The following RYR3 variants were observed in gnomAD, a reference collection of about 807,000 sequenced individuals.
The protein encoded by RYR3 is ryanodine receptor 3.
A neutral mutation model predicts 584.3 loss-of-function variants in RYR3; 207 were observed. The observed-to-expected ratio is 0.35, with a 90% CI of 0.32 to 0.40. The LOEUF (loss-of-function observed/expected upper bound fraction) is 0.40. RYR3 is among the 10% of genes least tolerant of loss of function. The probability of loss-of-function intolerance (pLI) is 1.00; values close to 1 mark genes in which losing one functional copy is unlikely to be tolerated. For missense variants in RYR3, 5,616 were observed against 6,089.2 expected (o/e 0.92, Z 2.59); for synonymous variants, 2,416 against 2,248.5 (o/e 1.07, Z -2.11).
At chr15:33,839,071 C>G (rs2078211443) in intron 89 of RYR3, 113 bp downstream of exon 89, 1 of 1,317,198 alleles carries the variant, frequency 7.6e-7, no homozygotes, top group South Asian at 1.5e-5. Context: ...CTATGTTAGA[C>G]AGTGGCTGTG....
intron 1 of RYR3, among the ~76,000 whole-genome samples, chr15:33,454,086 T>C (rs2047348486): frequency 6.6e-6 from 1 of 152,242 alleles, no homozygotes; most frequent in South Asian, 2.1e-4. Context: ...CCTTCTGGTC[T>C]GTTCCTTCAG....
rs569911194 is a variant in RYR3, at chr15:33,728,656, C to A, written c.7034-201C>A. On this transcript the variant is annotated intron_variant, in intron 46 of 103. Coordinates refer to ENST00000634891, the MANE Select transcript of RYR3 (RefSeq NM_001036.6). ...AATACTCATGAGCATTTCCATTGAG[C>A]ATCATGTTGGTGCCCAAAAAGTTTC... Among the ~76,000 whole-genome samples, 6 of 152,300 alleles carry A rather than the reference C, an allele frequency of 3.9e-5. No homozygotes were observed. In the South Asian group the frequency reaches 8.3e-4, roughly 21 times the overall value.
chr15:33,831,514 TA>T (rs2077675199), intron 86 of RYR3, among the ~76,000 whole-genome samples: 1 of 152,236 alleles, frequency 6.6e-6, no homozygotes, highest in Non-Finnish European at 1.5e-5. Flanking sequence ...TGATGGAGAT[TA>T]AAAACAGGAT....
chr15:33,353,640 A>G (rs1234904207), intron 1 of RYR3, among the ~76,000 whole-genome samples: 1 of 152,236 alleles, frequency 6.6e-6, no homozygotes, highest in African/African-American at 2.4e-5. Flanking sequence ...GAACACCTAC[A>G]CTTTAAAATC....
intron 98 of RYR3, among the ~76,000 whole-genome samples, 198 bp from the exon 99 acceptor site, chr15:33,857,582 C>A (rs1156268918): frequency 6.6e-6 from 1 of 152,118 alleles, no homozygotes; most frequent in African/African-American, 2.4e-5. Flanking sequence ...CCAGGAAGCC[C>A]GCTTCTCTTT....
intron 47 of RYR3, 49 bp downstream of exon 47, chr15:33,729,075 T>G (rs7498093): frequency 0.44 from 674,014 of 1,521,314 alleles, 154,650 homozygotes; most frequent in Admixed American, 0.56. Context: ...ATTGTGAAAT[T>G]AGTAATGTTG....
chr15:33,525,244 C>T (rs1304861965), intron 3 of RYR3, among the ~76,000 whole-genome samples: 2 of 152,180 alleles, frequency 1.3e-5, no homozygotes, highest in Non-Finnish European at 2.9e-5. Context: ...TTGTCATATG[C>T]TACACTTTCA....
Position 33,865,245 on chromosome 15 carries a change from C to A in RYR3, c.*19C>A. 1 of 1,547,320 alleles carries A rather than the reference C, an allele frequency of 6.5e-7. No homozygotes were observed. Among genetic ancestry groups the A allele is most frequent in the South Asian group, 1.2e-5 (1 of 84,506 alleles). On this transcript the variant is annotated 3_prime_UTR_variant, in exon 104 of 104. Coordinates refer to ENST00000634891, the MANE Select transcript of RYR3 (RefSeq NM_001036.6). ...TGGATAAATCTGAATCAAAGAAGCG[C>A]GACAATTCTGGACAGTCAACTTCCC... is the stretch of plus-strand genomic sequence containing the variant.
chr15:33,862,320 C>T lies in RYR3; in HGVS notation c.14465+1142C>T, dbSNP rs550718232. Among the ~76,000 whole-genome samples, 35 of 152,216 alleles carry T rather than the reference C, an allele frequency of 2.3e-4. 1 individual carries two copies. Among genetic ancestry groups the T allele is most frequent in the South Asian group, 1.5e-3 (7 of 4,814 alleles). On this transcript the variant is annotated intron_variant, in intron 102 of 103. Transcript: ENST00000634891. ...CTCCACCTCCCAGGCTCAAGACATC[C>T]GCCTCAGCCTCCTGAGTAGCTGGGA... is the stretch of plus-strand genomic sequence containing the variant.
At chr15:33,836,627 T>C (rs1419672131) in intron 87 of RYR3, among the ~76,000 whole-genome samples, 1 of 152,216 alleles carries the variant, frequency 6.6e-6, no homozygotes, top group Non-Finnish European at 1.5e-5. Flanking sequence ...TGCATTGGGT[T>C]GTTCAGCCGT....
intron 43 of RYR3, among the ~76,000 whole-genome samples, chr15:33,719,015 G>A (rs1326930354): frequency 1.3e-5 from 2 of 152,204 alleles, no homozygotes; most frequent in Non-Finnish European, 2.9e-5. Context: ...GATTTGGTTA[G>A]CAGTGAAGCT....
intron 40 of RYR3, 53 bp downstream of exon 40, chr15:33,698,049 G>A (rs1111611): frequency 1 from 1,280,204 of 1,281,234 alleles, 639,590 homozygotes; most frequent in East Asian, 1. Flanking sequence ...GCAGGAGCAC[G>A]AGGTGACTTG....
chr15:33,833,800 C>T (rs1315108525), intron 86 of RYR3, among the ~76,000 whole-genome samples: 3 of 152,186 alleles, frequency 2.0e-5, no homozygotes, highest in Non-Finnish European at 2.9e-5. Context: ...TTTGGGAATG[C>T]AGGCAGTATT....
rs180719202 is a variant in RYR3 at position 33,318,818 on chromosome 15, C to T, written c.51+7722C>T. On this transcript the variant is annotated intron_variant, in intron 1 of 103. Transcript: ENST00000634891. ...AAAACAGTAAGATAAGGTGACTCTA[C>T]ATCAAAACGAGAACTAAGGTGCCTC... Among the ~76,000 whole-genome samples, 265 of 152,260 alleles carry T rather than the reference C, an allele frequency of 1.7e-3. 1 individual carries two copies. Among genetic ancestry groups the T allele is most frequent in the Middle Eastern group, 3.4e-3 (1 of 294 alleles).
Position 33,859,244 on chromosome 15 carries a change from CTTAAAATTAAA to C in RYR3, c.14143-329_14143-319del, listed in dbSNP as rs757987166. ...ACAGCCTGAAGGCCAGGCTAACACT[CTTAAAATTAAA>C]TGAGGAAAAATTATTATATGGCATA... On this transcript the variant is annotated intron_variant, in intron 99 of 103. Coordinates refer to ENST00000634891, the MANE Select transcript of RYR3 (RefSeq NM_001036.6). The C allele has an allele frequency of 3.5e-5, 9 of 254,588 alleles. No individual in the cohort carries two copies. In the East Asian group the frequency reaches 3.9e-4, roughly 11 times the overall value. 15.8% of individuals were successfully genotyped at this position (254,588 alleles called of 1,614,324 possible). A position where few individuals can be genotyped will look rare whatever the true frequency, so the allele number is the denominator to read the frequency against.
chr15:33,715,859 A>C (rs1324752174), intron 43 of RYR3, among the ~76,000 whole-genome samples: 2 of 152,146 alleles, frequency 1.3e-5, no homozygotes, highest in African/African-American at 2.4e-5. Flanking sequence ...GATCCTTATA[A>C]CTTAATCACC....
intron 1 of RYR3, among the ~76,000 whole-genome samples, chr15:33,339,264 G>A (rs567416656): frequency 6.6e-6 from 1 of 152,354 alleles, no homozygotes; most frequent in Non-Finnish European, 1.5e-5. Flanking sequence ...CCCCAGGTCA[G>A]ACTGGAAGGG....
rs2066762525 is a variant in RYR3 at position 33,706,969 on chromosome 15, G to A, written c.6534G>A (p.Leu2178=). Residue 2178 remains leucine (L), a synonymous_variant, in exon 43 of 104, where the codon CTG becomes CTA. Transcript: ENST00000634891. The part of the protein sequence containing the change: ...GCGLQSCPML[L]AKGYPDVGWN... The stretch of plus-strand genomic sequence containing the variant: ...GCCTACAGAGCTGCCCCATGCTTCT[G>A]GCCAAAGGATACCCTGATGTCGGCT... 5 of 1,613,006 alleles carry A rather than the reference G, an allele frequency of 3.1e-6. No homozygotes were observed. Among genetic ancestry groups the A allele is most frequent in the Non-Finnish European group, 4.2e-6 (5 of 1,179,546 alleles).
chr15:33,406,748 C>G (rs972974854), intron 1 of RYR3, among the ~76,000 whole-genome samples: 4 of 152,182 alleles, frequency 2.6e-5, no homozygotes, highest in African/African-American at 9.7e-5. Context: ...ATAACTATCC[C>G]AGGCCATTTC....
Sources: allele counts gnomAD v4.1 joint callset (sites outside exome capture counted in the v4.1 genomes callset), GRCh38; gene constraint gnomAD v4.1.1; transcripts MANE v1.5; gene names NCBI Gene and HGNC (gene_info 2026-07-23, HGNC 2026-07-21).